ZFP90: variants seen among roughly 807,000 people sequenced by gnomAD.
ZFP90 encodes the protein ZFP90 zinc finger protein.
In ZFP90, 38 loss-of-function variants were observed where a neutral mutation model predicts 60.8. That is an observed-to-expected ratio of 0.62 (90% CI 0.48 to 0.82). The LOEUF is 0.82. ZFP90 is among the 40% of genes least tolerant of loss of function. The probability of loss-of-function intolerance (pLI) is 0.00; values close to 1 mark genes in which losing one functional copy is unlikely to be tolerated. For missense variants in ZFP90, 711 were observed against 759.1 expected (o/e 0.94, Z 0.74); for synonymous variants, 287 against 264.8 (o/e 1.08, Z -0.82).
intron 2 of ZFP90, among the ~76,000 whole-genome samples, chr16:68,557,512 T>G (rs2091364994): frequency 6.6e-6 from 1 of 151,980 alleles, no homozygotes; most frequent in Admixed American, 6.6e-5. Flanking sequence ...AACAAGATTC[T>G]GTGTTGGGGT....
intron 2 of ZFP90, among the ~76,000 whole-genome samples, chr16:68,541,951 T>G (rs2091057830): frequency 6.6e-6 from 1 of 152,220 alleles, no homozygotes; most frequent in African/African-American, 2.4e-5. Context: ...TCTCATTGAA[T>G]GGCCTGATGA....
intron 2 of ZFP90, among the ~76,000 whole-genome samples, chr16:68,540,805 C>G (rs1334345365): frequency 4.5e-4 from 5 of 11,028 alleles, no homozygotes; most frequent in Non-Finnish European, 7.2e-4. Context: ...GACTCCGTCT[C>G]TGCAAAAAAA....
intron 2 of ZFP90, among the ~76,000 whole-genome samples, chr16:68,556,619 G>C (rs1160132372): frequency 2.0e-5 from 3 of 152,196 alleles, no homozygotes; most frequent in Non-Finnish European, 4.4e-5. Context: ...TAAAGTCCCT[G>C]TTCCCATGGA....
chr16:68,570,059 T>A (rs1446959361), downstream of ZFP90, among the ~76,000 whole-genome samples: 1 of 151,924 alleles, frequency 6.6e-6, no homozygotes, highest in Admixed American at 6.6e-5. Flanking sequence ...TACGTGTGTG[T>A]GTGTGTGTGT....
chr16:68,556,678 T>C (rs2091349378), intron 2 of ZFP90, among the ~76,000 whole-genome samples: 1 of 152,206 alleles, frequency 6.6e-6, no homozygotes, highest in Admixed American at 6.5e-5. Flanking sequence ...ATATCTCCGA[T>C]CATTGCTAGA....
chr16:68,557,922 C>T (rs2091371584), intron 2 of ZFP90, 76 bp from the exon 3 acceptor site: 4 of 1,592,202 alleles, frequency 2.5e-6, no homozygotes, highest in South Asian at 1.1e-5. Context: ...CTGATAGCTC[C>T]TGCAGTATGT....
chr16:68,567,104 C>A lies in ZFP90; in HGVS notation c.*2406C>A. 3 of 985,570 alleles carry A rather than the reference C, an allele frequency of 3.0e-6. No homozygotes were observed. The highest frequency in any genetic ancestry group is 4.7e-5 in the South Asian group (1 of 21,286). The allele number at this position is 985,570 out of a possible 1,614,324, so 61.1% of individuals were successfully genotyped here. A position where few individuals can be genotyped will look rare whatever the true frequency, so the allele number is the denominator to read the frequency against. ...TGCATCCTTGTAACATCATTGTATT[C>A]TTTCAATAAATAGCCTTCTGAGTTG... On this transcript the variant is annotated 3_prime_UTR_variant, in exon 5 of 5. Coordinates refer to ENST00000563169, the MANE Select transcript of ZFP90 (RefSeq NM_001305203.2).
intron 2 of ZFP90, among the ~76,000 whole-genome samples, chr16:68,555,970 T>C (rs1469388560): frequency 6.6e-6 from 1 of 152,188 alleles, no homozygotes; most frequent in Non-Finnish European, 1.5e-5. Context: ...GCACTAATTG[T>C]CTTTGCCATA....
At chr16:68,571,874 C>T (rs1253407956), downstream of ZFP90, among the ~76,000 whole-genome samples, 1 of 152,176 alleles carries the variant, frequency 6.6e-6, no homozygotes, top group East Asian at 1.9e-4. Flanking sequence ...TTTTGAGGCA[C>T]CAATTAAAAA....
intron 2 of ZFP90, among the ~76,000 whole-genome samples, chr16:68,540,322 C>G (rs72794399): frequency 0.034 from 5,176 of 152,184 alleles, 105 homozygotes; most frequent in Non-Finnish European, 0.051. Flanking sequence ...GAGGCAAAAA[C>G]AAAACAAAAT....
intron 2 of ZFP90, among the ~76,000 whole-genome samples, chr16:68,546,492 A>G (rs2091152388): frequency 6.6e-6 from 1 of 152,092 alleles, no homozygotes; most frequent in Non-Finnish European, 1.5e-5. Flanking sequence ...ATCTCATATA[A>G]GTGGAATCAA....
chr16:68,541,236 C>G lies in ZFP90; in HGVS notation c.33+1411C>G, dbSNP rs2091043862. On this transcript the variant is annotated intron_variant, in intron 2 of 4. Coordinates refer to ENST00000563169, the MANE Select transcript of ZFP90 (RefSeq NM_001305203.2). Reference sequence around the variant, plus strand: ...GTATTTTAGTAGAGTCAGGGTTTTACCATGTTGGCCAGTCTGGTCTCGAAC... The same window carrying G: ...GTATTTTAGTAGAGTCAGGGTTTTAGCATGTTGGCCAGTCTGGTCTCGAAC... 3.3e-5 allele frequency among the ~76,000 whole-genome samples: 5 copies of G among 152,048 alleles called. No homozygotes were observed. In the South Asian group the frequency reaches 1.0e-3, roughly 32 times the overall value.
At position 68,566,176 on chromosome 16, in the gene ZFP90, A is replaced by T. The variant is rs950584661; in HGVS notation, c.*1478A>T. 8 of 985,450 alleles carry T rather than the reference A, an allele frequency of 8.1e-6. No individual in the cohort carries two copies. The highest frequency in any genetic ancestry group is 9.6e-6 in the Non-Finnish European group (8 of 829,968). 61.0% of individuals were successfully genotyped at this position (985,450 alleles called of 1,614,324 possible). ...TATAATGCTTTTCTATTAGTAAAGC[A>T]TCAGCTAAGCTTCAGTGGCCTGCTC... is the stretch of plus-strand genomic sequence containing the variant. On this transcript the variant is annotated 3_prime_UTR_variant, in exon 5 of 5. Coordinates refer to ENST00000563169, the MANE Select transcript of ZFP90 (RefSeq NM_001305203.2).
intron 2 of ZFP90, among the ~76,000 whole-genome samples, chr16:68,552,301 G>A (rs1396611104): frequency 6.6e-6 from 1 of 152,210 alleles, no homozygotes; most frequent in African/African-American, 2.4e-5. Context: ...CTCGCCTCTG[G>A]AAATTTGAAG....
chr16:68,539,602 C>T (rs1372652556), intron 1 of ZFP90, 123 bp downstream of exon 1: 11 of 598,732 alleles, frequency 1.8e-5, no homozygotes, highest in Non-Finnish European at 2.8e-5. Flanking sequence ...CTGAGCCTTT[C>T]ATTTCGGGGA....
rs369111354 is a variant in ZFP90, at chr16:68,558,510, G to A, written c.198G>A (p.Leu66=). 5.6e-6 allele frequency: 9 copies of A among 1,613,870 alleles called. No individual in the cohort carries two copies. Among genetic ancestry groups the A allele is most frequent in the Non-Finnish European group, 6.8e-6 (8 of 1,180,010 alleles). ...CCAAGCCAGAGGTGATCTTCAAATT[G>A]GAGCAAGGAGAAGAGCCATGGATAT... ...QVSKPEVIFK[L]EQGEEPWISE... is the part of the protein sequence containing the mutation. Residue 66 remains leucine, a synonymous_variant, in exon 4 of 5, where the codon TTG becomes TTA. Coordinates refer to ENST00000563169, the MANE Select transcript of ZFP90 (RefSeq NM_001305203.2).
chr16:68,537,716 C>T (rs1645980), upstream of ZFP90, among the ~76,000 whole-genome samples: 93,037 of 151,958 alleles, frequency 0.61, 28,690 homozygotes, highest in East Asian at 0.82. Flanking sequence ...CAGGCGCACA[C>T]TATTGCAACC....
chr16:68,539,505 C>T (rs1019007901), intron 1 of ZFP90, 26 bp downstream of exon 1: 5 of 478,790 alleles, frequency 1.0e-5, no homozygotes, highest in African/African-American at 8.2e-5. Flanking sequence ...CGGGACCCCT[C>T]CTGGGTTTGG....
At chr16:68,548,424 T>C (rs966901417) in intron 2 of ZFP90, among the ~76,000 whole-genome samples, 5 of 148,060 alleles carry the variant, frequency 3.4e-5, no homozygotes, top group African/African-American at 1.3e-4. Flanking sequence ...TAAGATTTTT[T>C]GCATTTCTTA....
Sources: allele counts gnomAD v4.1 joint callset (sites outside exome capture counted in the v4.1 genomes callset), GRCh38; gene constraint gnomAD v4.1.1; transcripts MANE v1.5; gene names NCBI Gene and HGNC (gene_info 2026-07-23, HGNC 2026-07-21).